The following ZC3H12B variants were observed in gnomAD, a reference collection of about 807,000 sequenced individuals.
ZC3H12B encodes probable ribonuclease ZC3H12B.
A neutral mutation model predicts 43.9 loss-of-function variants in ZC3H12B; 7 were observed. The ratio of observed to expected loss-of-function variants is 0.16; its 90% CI spans 0.09 to 0.30. The LOEUF is 0.30. ZC3H12B is among the 10% of genes least tolerant of loss of function. ZC3H12B has a pLI of 1.00. For synonymous variants in ZC3H12B, 222 were observed against 241.7 expected (o/e 0.92, Z 0.76); for missense variants, 475 against 670.2 (o/e 0.71, Z 3.22).
At chrX:65,478,769 C>T (rs1357491525) in intron 3 of ZC3H12B, among the ~76,000 whole-genome samples, 2 of 112,137 alleles carry the variant, frequency 1.8e-5, no homozygotes, top group African/African-American at 3.2e-5. Context: ...TAATGTCAAC[C>T]AAAGGTGAGG....
chrX:65,118,997 G>A, the ZC3H12B span, among the ~76,000 whole-genome samples: 1 of 110,726 alleles, frequency 9.0e-6, no homozygotes, highest in Non-Finnish European at 1.9e-5. Context: ...TTTTAGGGCT[G>A]CATAGTATTC....
At chrX:65,228,971 T>C in the ZC3H12B span, among the ~76,000 whole-genome samples, 93 of 111,776 alleles carry the variant, frequency 8.3e-4, no homozygotes, top group Non-Finnish European at 1.5e-3. Context: ...AGGTAATTTG[T>C]AGATTCCATG....
At chrX:65,431,238 C>T (rs780731574) in intron 3 of ZC3H12B, among the ~76,000 whole-genome samples, 1 of 112,660 alleles carries the variant, frequency 8.9e-6, no homozygotes, top group South Asian at 3.7e-4. Flanking sequence ...GAAACATTGA[C>T]TATATGGAAA....
the ZC3H12B span, among the ~76,000 whole-genome samples, chrX:65,056,537 A>G: frequency 9.0e-6 from 1 of 111,558 alleles, no homozygotes; most frequent in African/African-American, 3.3e-5. Flanking sequence ...GAATAAGTGC[A>G]GTGTGGTGCT....
At chrX:65,041,802 A>C in the ZC3H12B span, among the ~76,000 whole-genome samples, 4 of 112,094 alleles carry the variant, frequency 3.6e-5, no homozygotes, top group East Asian at 2.8e-4. Context: ...TAATGAGTGC[A>C]TGCATATTGG....
chrX:65,231,957 C>T, the ZC3H12B span, among the ~76,000 whole-genome samples: 1 of 111,111 alleles, frequency 9.0e-6, no homozygotes, highest in African/African-American at 3.3e-5. Flanking sequence ...GACAGGAGGT[C>T]GAGTGTGGTA....
intron 1 of ZC3H12B, among the ~76,000 whole-genome samples, chrX:65,491,272 G>A (rs1251161410): frequency 8.9e-6 from 1 of 111,994 alleles, no homozygotes; most frequent in Non-Finnish European, 1.9e-5. Context: ...GTTCATCTTT[G>A]CAGGTGAAGA....
At chrX:65,225,706 G>C in the ZC3H12B span, among the ~76,000 whole-genome samples, 1 of 112,242 alleles carries the variant, frequency 8.9e-6, no homozygotes, top group African/African-American at 3.2e-5. Flanking sequence ...GAAAGCCAAG[G>C]CTCGAGAACT....
At chrX:65,434,099 T>C (rs2067193403) in intron 3 of ZC3H12B, among the ~76,000 whole-genome samples, 1 of 111,697 alleles carries the variant, frequency 9.0e-6, no homozygotes, top group Non-Finnish European at 1.9e-5. Flanking sequence ...CTTTGGCAGT[T>C]GAGTGCTGCT....
chrX:65,106,751 T>C, the ZC3H12B span, among the ~76,000 whole-genome samples: 1 of 111,371 alleles, frequency 9.0e-6, no homozygotes, highest in Admixed American at 9.6e-5. Flanking sequence ...TTCAGTTTGG[T>C]GAATAATAGT....
At chrX:65,230,683 C>T in the ZC3H12B span, among the ~76,000 whole-genome samples, 6 of 108,834 alleles carry the variant, frequency 5.5e-5, no homozygotes, top group South Asian at 3.9e-4. Context: ...TTATATTCAG[C>T]GTTTTTCTTC....
At chrX:65,063,103 C>G in the ZC3H12B span, among the ~76,000 whole-genome samples, 8 of 112,059 alleles carry the variant, frequency 7.1e-5, no homozygotes, top group Non-Finnish European at 1.5e-4. Flanking sequence ...ATGTCATCTT[C>G]AAACAGACAC....
At chrX:65,111,134 G>A in the ZC3H12B span, among the ~76,000 whole-genome samples, 3 of 110,975 alleles carry the variant, frequency 2.7e-5, no homozygotes, top group African/African-American at 9.8e-5. Context: ...TTTTGTGGGC[G>A]CCTTGGGATT....
the ZC3H12B span, among the ~76,000 whole-genome samples, chrX:65,136,412 T>A: frequency 9.0e-6 from 1 of 111,437 alleles, no homozygotes. Context: ...GGCTCCCTAC[T>A]TGGCCTTCTG....
chrX:65,408,260 C>T, intron 3 of ZC3H12B: 1 of 1,165,600 alleles, frequency 8.6e-7, no homozygotes, highest in Non-Finnish European at 1.2e-6. Context: ...AATGCAGAGG[C>T]ACTATGTGAT....
the ZC3H12B span, among the ~76,000 whole-genome samples, chrX:65,050,092 T>A: frequency 1.8e-5 from 2 of 111,481 alleles, no homozygotes; most frequent in African/African-American, 6.5e-5. Flanking sequence ...TTTTGAATTT[T>A]CCAACTTTCT....
exon 3 of ZC3H12B, chrX:65,499,189 G>T (rs1453974223): frequency 9.1e-6 from 11 of 1,208,591 alleles, no homozygotes; most frequent in Non-Finnish European, 1.1e-5. Context: ...AATGGAAGAA[G>T]TTTATAGAGG....
chrX:65,197,178 C>A, the ZC3H12B span, among the ~76,000 whole-genome samples: 1 of 111,902 alleles, frequency 8.9e-6, no homozygotes, highest in Non-Finnish European at 1.9e-5. Context: ...TGCACTACAG[C>A]GTCCGCCCTG....
the ZC3H12B span, among the ~76,000 whole-genome samples, chrX:65,212,328 T>C: frequency 2.3e-5 from 1 of 43,516 alleles, no homozygotes; most frequent in East Asian, 8.9e-4. Flanking sequence ...ATATTTATAT[T>C]ATATAATATA....
Sources: gnomAD v4.1 joint callset for allele counts (sites outside exome capture counted in the v4.1 genomes callset) on GRCh38, gnomAD v4.1.1 for gene constraint, MANE v1.5 for transcripts, NCBI Gene and HGNC (gene_info 2026-07-23, HGNC 2026-07-21) for gene names.